The following MTSS1 variants were observed in gnomAD, a reference collection of about 807,000 sequenced individuals.
The protein encoded by MTSS1 is protein MTSS 1.
A neutral mutation model predicts 79.0 loss-of-function variants in MTSS1; 18 were observed. The ratio of observed to expected loss-of-function variants is 0.23; its 90% confidence interval spans 0.16 to 0.34. The LOEUF is 0.34. Among genes scored for constraint, MTSS1 ranks in the 10% least tolerant of loss-of-function variants. The pLI is 1.00. For missense variants in MTSS1, 815 were observed against 986.2 expected (o/e 0.83, Z 2.33); for synonymous variants, 341 against 368.6 (o/e 0.93, Z 0.86).
chr8:124,564,124 G>A (rs550319451), intron 9 of MTSS1, among the ~76,000 whole-genome samples: 4 of 79,270 alleles, frequency 5.0e-5, no homozygotes, highest in Admixed American at 3.4e-4. Flanking sequence ...AACGAGACCC[G>A]ATCTCAAAAA....
chr8:124,556,521 G>T, intron 11 of MTSS1, 116 bp from the exon 12 acceptor site: 1 of 1,167,184 alleles, frequency 8.6e-7, no homozygotes, highest in East Asian at 2.6e-5. Flanking sequence ...GGAACCTCCG[G>T]CTGGGACAAG....
intron 6 of MTSS1, 186 bp from the exon 7 acceptor site, chr8:124,568,722 A>C (rs1040505870): frequency 6.7e-7 from 1 of 1,487,966 alleles, no homozygotes. Flanking sequence ...TCCAATTTTC[A>C]ATGCCCAAAG....
intron 3 of MTSS1, among the ~76,000 whole-genome samples, chr8:124,680,870 T>C (rs1018426365): frequency 3.3e-5 from 5 of 152,204 alleles, no homozygotes; most frequent in African/African-American, 1.2e-4. Context: ...CTCTGCATTT[T>C]ATGTTACCCC....
chr8:124,607,423 T>TC lies in MTSS1; in HGVS notation c.209-16189dup, dbSNP rs543690901. On this transcript the variant is annotated intron_variant, in intron 3 of 13. Transcript: ENST00000518547. ...TCAATTTCTATCTCAAGTCATACCT[T>TC]CCCCAGATGGTTTCTGAATGAGTGT... 2.6e-5 allele frequency among the ~76,000 whole-genome samples: 4 copies of TC among 152,324 alleles called. No homozygotes were observed. The South Asian group carries it at 8.3e-4, about 32-fold the overall frequency.
At chr8:124,556,706 A>AG in intron 11 of MTSS1, 1 of 411,178 alleles carries the variant, frequency 2.4e-6, no homozygotes, top group Non-Finnish European at 4.4e-6. Flanking sequence ...GTGTAAGCTA[A>AG]GGGGACCCAC....
At chr8:124,565,848 G>T in intron 8 of MTSS1, 89 bp from the exon 9 acceptor site, 1 of 1,120,034 alleles carries the variant, frequency 8.9e-7, no homozygotes, top group Non-Finnish European at 1.3e-6. Flanking sequence ...GCATCAAAAC[G>T]CTGCCATCGT....
intron 3 of MTSS1, among the ~76,000 whole-genome samples, chr8:124,614,163 CAAAAAAA>C (rs3050528): frequency 1.1e-5 from 1 of 92,442 alleles, no homozygotes; most frequent in Non-Finnish European, 2.4e-5. Context: ...ATACCTGCCT[CAAAAAAA>C]AAAAAAAAAA....
chr8:124,627,336 A>G (rs2133715917), intron 3 of MTSS1, among the ~76,000 whole-genome samples: 1 of 152,348 alleles, frequency 6.6e-6, no homozygotes, highest in East Asian at 1.9e-4. Flanking sequence ...GCTAACACTG[A>G]CTGAGTGCCA....
At chr8:124,640,505 T>C (rs1393682582) in intron 3 of MTSS1, among the ~76,000 whole-genome samples, 1 of 152,094 alleles carries the variant, frequency 6.6e-6, no homozygotes, top group Non-Finnish European at 1.5e-5. Flanking sequence ...TCAAGGAGAG[T>C]TTCACTACTT....
intron 3 of MTSS1, among the ~76,000 whole-genome samples, chr8:124,629,800 T>C (rs1257151131): frequency 6.6e-6 from 1 of 152,090 alleles, no homozygotes; most frequent in Non-Finnish European, 1.5e-5. Context: ...GCCACCCCCC[T>C]CCATCTGGGA....
At chr8:124,567,402 G>GA (rs1563764857) in intron 7 of MTSS1, among the ~76,000 whole-genome samples, 1 of 152,224 alleles carries the variant, frequency 6.6e-6, no homozygotes, top group African/African-American at 2.4e-5. Flanking sequence ...GTGCACAGGG[G>GA]ACAGTGGGGA....
intron 5 of MTSS1, among the ~76,000 whole-genome samples, chr8:124,586,006 GA>G (rs1830801320): frequency 6.6e-6 from 1 of 152,222 alleles, no homozygotes; most frequent in East Asian, 1.9e-4. Flanking sequence ...AAACACCTCA[GA>G]GGGGCAGTCC....
intron 3 of MTSS1, among the ~76,000 whole-genome samples, chr8:124,691,230 A>AT (rs11343437): frequency 1.3e-5 from 2 of 151,864 alleles, no homozygotes; most frequent in Admixed American, 1.3e-4. Context: ...TTAAAACAAT[A>AT]TTTTTTTTAC....
intron 9 of MTSS1, among the ~76,000 whole-genome samples, chr8:124,563,593 A>G (rs1298520159): frequency 2.0e-5 from 3 of 152,216 alleles, no homozygotes; most frequent in Non-Finnish European, 2.9e-5. Context: ...GTTGGTGTGC[A>G]TATGTTTTAC....
At chr8:124,676,637 C>G (rs369115632) in intron 3 of MTSS1, among the ~76,000 whole-genome samples, 1 of 152,230 alleles carries the variant, frequency 6.6e-6, no homozygotes, top group Admixed American at 6.5e-5. Context: ...GACAACTTCT[C>G]AGCAAAACAA....
At chr8:124,654,774 T>A (rs1820631263) in intron 3 of MTSS1, among the ~76,000 whole-genome samples, 1 of 152,162 alleles carries the variant, frequency 6.6e-6, no homozygotes, top group African/African-American at 2.4e-5. Context: ...TAGTAAACGT[T>A]ACAAGCAACG....
chr8:124,630,934 C>T (rs1815807578), intron 3 of MTSS1, among the ~76,000 whole-genome samples: 1 of 152,180 alleles, frequency 6.6e-6, no homozygotes, highest in African/African-American at 2.4e-5. Context: ...TGGTATATTG[C>T]AATGCTGTGC....
intron 1 of MTSS1, among the ~76,000 whole-genome samples, chr8:124,708,035 A>C (rs1289291793): frequency 6.6e-6 from 1 of 152,252 alleles, no homozygotes; most frequent in Admixed American, 6.5e-5. Context: ...TCATTCCCTT[A>C]TAATGATGAT....
At chr8:124,702,761 C>G (rs1181583654) in intron 2 of MTSS1, among the ~76,000 whole-genome samples, 1 of 152,140 alleles carries the variant, frequency 6.6e-6, no homozygotes, top group Non-Finnish European at 1.5e-5. Context: ...TTCCTCCATC[C>G]AAACCAACCA....
Sources: allele counts gnomAD v4.1 joint callset (sites outside exome capture counted in the v4.1 genomes callset), GRCh38; gene constraint gnomAD v4.1.1; transcripts MANE v1.5; gene names NCBI Gene and HGNC (gene_info 2026-07-23, HGNC 2026-07-21).